The following ANK3 variants were observed in gnomAD, a reference collection of about 807,000 sequenced individuals.
ANK3 encodes the protein ankyrin 3.
In ANK3, 57 loss-of-function variants were observed where a neutral mutation model predicts 370.9. The observed-to-expected ratio is 0.15, with a 90% CI of 0.12 to 0.19. The LOEUF (loss-of-function observed/expected upper bound fraction) is 0.19. Ranked by LOEUF, ANK3 falls within the 10% of genes least tolerant of loss-of-function variation. The probability of loss-of-function intolerance (pLI) is 1.00; values close to 1 mark genes in which losing one functional copy is unlikely to be tolerated. For synonymous variants in ANK3, 1,929 were observed against 1,946.3 expected (o/e 0.99, Z 0.23); for missense variants, 4,439 against 5,302.1 (o/e 0.84, Z 5.06).
At chr10:60,152,319 G>C (rs992864613) in intron 23 of ANK3, among the ~76,000 whole-genome samples, 1 of 152,164 alleles carries the variant, frequency 6.6e-6, no homozygotes, top group Non-Finnish European at 1.5e-5. Flanking sequence ...TGTTGATTTA[G>C]GTATTATCTC....
In ANK3 at chr10:60,068,860, G is replaced by A; in HGVS notation, c.12021C>T (p.Thr4007=). 3 of 1,614,084 alleles carry A rather than the reference G, an allele frequency of 1.9e-6. No homozygotes were observed. Among genetic ancestry groups the A allele is most frequent in the Non-Finnish European group, 2.5e-6 (3 of 1,180,010 alleles). ...IEYFKGISGE[T]LKLVDRLSEE... ...CAGAGAGGCGGTCCACAAGCTTTAA[G>A]GTCTCACCACTAATTCCCTTAAAAT... Residue 4007 remains threonine, a synonymous_variant, in exon 37 of 44, where the codon ACC becomes ACT. Transcript: ENST00000280772.
chr10:60,460,620 C>T (rs1172845630), intron 2 of ANK3, among the ~76,000 whole-genome samples: 1 of 151,994 alleles, frequency 6.6e-6, no homozygotes, highest in African/African-American at 2.4e-5. Context: ...CACTAATATT[C>T]TGAAATATCT....
chr10:60,594,977 C>T (rs117308355), intron 2 of ANK3, among the ~76,000 whole-genome samples: 31 of 152,176 alleles, frequency 2.0e-4, no homozygotes, highest in Middle Eastern at 6.8e-3. Context: ...ACTGCTACTT[C>T]CAACAAGGTA....
At chr10:60,640,068 A>G (rs1317692397) in intron 1 of ANK3, among the ~76,000 whole-genome samples, 5 of 152,138 alleles carry the variant, frequency 3.3e-5, no homozygotes, top group Non-Finnish European at 7.4e-5. Flanking sequence ...GGCTAAATTC[A>G]TATGAGAAAA....
intron 2 of ANK3, among the ~76,000 whole-genome samples, chr10:60,583,577 C>T (rs75008255): frequency 3.7e-5 from 5 of 136,028 alleles, no homozygotes; most frequent in South Asian, 2.4e-4. Flanking sequence ...AGTGCAGTGG[C>T]GCTCCAGTTC....
intron 11 of ANK3, among the ~76,000 whole-genome samples, chr10:60,204,365 T>C (rs1035680769): frequency 6.6e-6 from 1 of 152,188 alleles, no homozygotes; most frequent in Non-Finnish European, 1.5e-5. Context: ...AATTTACTTT[T>C]ATTTTAGAGC....
intron 1 of ANK3, among the ~76,000 whole-genome samples, chr10:60,659,156 G>C (rs1415691300): frequency 1.3e-5 from 2 of 152,148 alleles, no homozygotes. Context: ...TTGTGATCTT[G>C]AGTTATGCAA....
intron 2 of ANK3, among the ~76,000 whole-genome samples, chr10:60,416,914 C>G (rs1030013863): frequency 6.6e-6 from 1 of 152,032 alleles, no homozygotes; most frequent in Non-Finnish European, 1.5e-5. Context: ...ATAAATTACA[C>G]CATAATAGAA....
At chr10:60,337,654 C>T (rs993070742) in intron 1 of ANK3, among the ~76,000 whole-genome samples, 5 of 152,128 alleles carry the variant, frequency 3.3e-5, no homozygotes, top group Admixed American at 1.3e-4. Context: ...ATGCAGCTTG[C>T]CCCAAACCAG....
At chr10:60,159,805 G>T (rs1291627548) in intron 23 of ANK3, among the ~76,000 whole-genome samples, 1 of 152,018 alleles carries the variant, frequency 6.6e-6, no homozygotes, top group African/African-American at 2.4e-5. Context: ...TAAACAATAT[G>T]CTCCTGAACG....
Position 60,525,402 on chromosome 10 carries a change from C to T in ANK3, c.96+89784G>A, listed in dbSNP as rs142927016. 3.5e-3 allele frequency among the ~76,000 whole-genome samples: 540 copies of T among 152,152 alleles called. 3 individuals carry two copies. Among genetic ancestry groups the T allele is most frequent in the African/African-American group, 0.013 (519 of 41,512 alleles). On this transcript the variant is annotated intron_variant, in intron 2 of 43. Transcript: ENST00000373827. ...TACTAGGAAAATTGCATTTAATACA[C>T]ATGTTGTTTCAATAATATATAAAAT...
At position 60,475,532 on chromosome 10, in the gene ANK3, T is replaced by C. The variant is rs186710399; in HGVS notation, c.96+139654A>G. Among the ~76,000 whole-genome samples the C allele has an allele frequency of 5.6e-3, 856 of 152,324 alleles. 4 individuals carry two copies. The highest frequency in any genetic ancestry group is 1.0e-2 in the Non-Finnish European group (680 of 68,022). On this transcript the variant is annotated intron_variant, in intron 2 of 43. Transcript: ENST00000373827. ...GAGAAAAAGCATCTCTAGATCTGTATTATACACAATTTTTCCTACCCCAAA... is the reference window on the plus strand; with the variant it reads ...GAGAAAAAGCATCTCTAGATCTGTACTATACACAATTTTTCCTACCCCAAA...
At chr10:60,469,943 A>G (rs1413710987) in intron 2 of ANK3, among the ~76,000 whole-genome samples, 1 of 151,912 alleles carries the variant, frequency 6.6e-6, no homozygotes, top group Non-Finnish European at 1.5e-5. Flanking sequence ...AGTTAATTGA[A>G]TGGTCAAAGA....
chr10:60,100,234 G>GT (rs3045340), intron 28 of ANK3, among the ~76,000 whole-genome samples: 14,538 of 57,466 alleles, frequency 0.25, 2,580 homozygotes, highest in Non-Finnish European at 0.32. Flanking sequence ...TTTTGCTATG[G>GT]TTTTTTTTTT....
intron 1 of ANK3, among the ~76,000 whole-genome samples, chr10:60,311,012 A>C (rs1466712600): frequency 6.6e-6 from 1 of 152,166 alleles, no homozygotes; most frequent in Non-Finnish European, 1.5e-5. Context: ...CAAAGGATGA[A>C]GGGGGATTGG....
Position 60,069,211 on chromosome 10 carries a change from C to A in ANK3, c.11670G>T (p.Lys3890Asn). ...HMSNTKASKM[K>N]QVSQSEKTKA... ...TGGTTTTCTCGGATTGACTAACCTG[C>A]TTCATTTTACTTGCTTTAGTGTTTG... Residue 3890 changes from lysine to asparagine, a missense_variant, in exon 37 of 44, where the codon AAG becomes AAT. By Grantham distance (94) the Lys-to-Asn change is moderately conservative. Transcript: ENST00000280772. The A allele has an allele frequency of 6.2e-7, 1 of 1,614,118 alleles. No homozygotes were observed. Among genetic ancestry groups the A allele is most frequent in the South Asian group, 1.1e-5 (1 of 91,076 alleles).
intron 1 of ANK3, among the ~76,000 whole-genome samples, chr10:60,709,897 T>C (rs1264907330): frequency 1.3e-5 from 2 of 152,128 alleles, no homozygotes; most frequent in Admixed American, 6.5e-5. Flanking sequence ...TTCCATACTG[T>C]ATTTATCAAT....
At chr10:60,224,526 G>A (rs1393479928) in intron 8 of ANK3, among the ~76,000 whole-genome samples, 4 of 152,152 alleles carry the variant, frequency 2.6e-5, no homozygotes, top group African/African-American at 7.2e-5. Context: ...TATGAAACCA[G>A]AATGTGTCTT....
chr10:60,088,080 C>T (rs1455692184), intron 29 of ANK3, 67 bp downstream of exon 29: 1 of 1,318,868 alleles, frequency 7.6e-7, no homozygotes, highest in East Asian at 2.3e-5. Context: ...TAACTCTTTC[C>T]AGAGCAAAAC....
Sources: gnomAD v4.1 joint callset for allele counts (sites outside exome capture counted in the v4.1 genomes callset) on GRCh38, gnomAD v4.1.1 for gene constraint, MANE v1.5 for transcripts, NCBI Gene and HGNC (gene_info 2026-07-23, HGNC 2026-07-21) for gene names.